Variants in FAM168A observed in about 807,000 individuals in gnomAD.
FAM168A encodes the protein family with sequence similarity 168 member A.
Under a neutral mutation model 28.5 loss-of-function variants are expected in FAM168A, and 3 were observed. The observed-to-expected ratio is 0.11, with a 90% CI of 0.05 to 0.27. FAM168A has a LOEUF of 0.27. FAM168A is among the 10% of genes least tolerant of loss of function. The probability of loss-of-function intolerance (pLI) is 1.00; values close to 1 mark genes in which losing one functional copy is unlikely to be tolerated. For missense variants in FAM168A, 222 were observed against 311.5 expected, an observed-to-expected ratio of 0.71 and a Z score of 2.16; for synonymous variants, 122 against 124.2, an observed-to-expected ratio of 0.98 and a Z score of 0.12.
Position 73,407,493 on chromosome 11 carries a change from C to T in FAM168A, c.*18+20G>A. The T allele has an allele frequency of 6.6e-7, 1 of 1,513,988 alleles. No homozygotes were observed. Among genetic ancestry groups the T allele is most frequent in the Non-Finnish European group, 8.8e-7 (1 of 1,131,390 alleles). The allele number at this position is 1,513,988 out of a possible 1,614,324, so 93.8% of individuals were successfully genotyped here. On this transcript the variant is annotated intron_variant, in intron 7 of 7. Coordinates refer to ENST00000356467, the MANE Select transcript of FAM168A (RefSeq NM_015159.3). ...CTGTATGTATCCCCCTCCCACTTCTCTCACCCTGGCCACACTCACTTGGAT... is the reference window on the plus strand; with the variant it reads ...CTGTATGTATCCCCCTCCCACTTCTTTCACCCTGGCCACACTCACTTGGAT...
chr11:73,595,711 G>A (rs77008865), intron 1 of FAM168A, among the ~76,000 whole-genome samples: 10,313 of 152,208 alleles, frequency 0.068, 1,018 homozygotes, highest in African/African-American at 0.22. Context: ...AGGTGGAGAT[G>A]CTGTTTCTGT....
At chr11:73,429,984 T>C (rs1866955189) in intron 3 of FAM168A, among the ~76,000 whole-genome samples, 1 of 152,136 alleles carries the variant, frequency 6.6e-6, no homozygotes, top group South Asian at 2.1e-4. Flanking sequence ...AGTTGGGTAA[T>C]CAGGATTCAA....
At chr11:73,413,394 G>C (rs1866647641) in intron 4 of FAM168A, among the ~76,000 whole-genome samples, 1 of 152,228 alleles carries the variant, frequency 6.6e-6, no homozygotes, top group Non-Finnish European at 1.5e-5. Context: ...AACTGGAAGT[G>C]CAACTATGAG....
intron 1 of FAM168A, among the ~76,000 whole-genome samples, chr11:73,523,047 ACACAATGAGAG>A (rs1457478318): frequency 2.0e-5 from 3 of 151,966 alleles, no homozygotes; most frequent in Non-Finnish European, 4.4e-5. Context: ...ACACACACAC[ACACAATGAGAG>A]GAGGGGGCTG....
chr11:73,553,190 C>T (rs1214859357), intron 1 of FAM168A, among the ~76,000 whole-genome samples: 1 of 152,074 alleles, frequency 6.6e-6, no homozygotes, highest in Non-Finnish European at 1.5e-5. Flanking sequence ...GAATTAGAAT[C>T]CCTTTGGTCT....
intron 1 of FAM168A, among the ~76,000 whole-genome samples, chr11:73,483,194 G>A (rs554793503): frequency 6.6e-6 from 1 of 152,242 alleles, no homozygotes; most frequent in South Asian, 2.1e-4. Context: ...ATGTAAACAC[G>A]ATAAATTGTG....
rs187699357 is a variant in FAM168A at position 73,586,936 on chromosome 11, T to A, written c.-19+10987A>T. On this transcript the variant is annotated intron_variant, in intron 1 of 7. Transcript: ENST00000356467. ...GTGAAACTGTTCAACTCTAAAGTTT[T>A]TTTATTCTACTAAGGCAAAGAAAAA... is the stretch of plus-strand genomic sequence containing the variant. 4.5e-4 allele frequency among the ~76,000 whole-genome samples: 69 copies of A among 152,286 alleles called. No individual in the cohort carries two copies. In the East Asian group the frequency reaches 7.1e-3, roughly 16 times the overall value.
intron 1 of FAM168A, among the ~76,000 whole-genome samples, chr11:73,564,393 T>C (rs1042637792): frequency 2.0e-5 from 3 of 152,124 alleles, no homozygotes; most frequent in Non-Finnish European, 4.4e-5. Context: ...TCTCACAGAA[T>C]ATACAGTTTG....
chr11:73,547,184 G>A lies in FAM168A; in HGVS notation c.-19+50739C>T, dbSNP rs75935784. Among the ~76,000 whole-genome samples the A allele has an allele frequency of 1.0e-2, 1,470 of 147,386 alleles. 28 individuals are homozygous for A. Among genetic ancestry groups the A allele is most frequent in the African/African-American group, 0.034 (1,370 of 40,350 alleles). On this transcript the variant is annotated intron_variant, in intron 1 of 7. Transcript: ENST00000356467. ...AGGCGGGGGGGAGGAGGAGGAGGAGGAAGAAGAAAGAAGAAGAGAAAGGAG... is the reference window on the plus strand; with the variant it reads ...AGGCGGGGGGGAGGAGGAGGAGGAGAAAGAAGAAAGAAGAAGAGAAAGGAG...
intron 2 of FAM168A, among the ~76,000 whole-genome samples, chr11:73,445,142 C>T (rs1867277462): frequency 6.6e-6 from 1 of 151,946 alleles, no homozygotes; most frequent in African/African-American, 2.4e-5. Flanking sequence ...CCCTGTAATC[C>T]CAGCTACTTG....
At chr11:73,451,409 T>C (rs1867427194) in intron 2 of FAM168A, among the ~76,000 whole-genome samples, 1 of 152,216 alleles carries the variant, frequency 6.6e-6, no homozygotes, top group African/African-American at 2.4e-5. Context: ...ATTCAGTCCT[T>C]TATTCACTCA....
chr11:73,534,361 G>A (rs560550670), intron 1 of FAM168A, among the ~76,000 whole-genome samples: 1 of 152,022 alleles, frequency 6.6e-6, no homozygotes, highest in East Asian at 1.9e-4. Flanking sequence ...TCAGAAACTG[G>A]CAGTATCATG....
chr11:73,415,867 A>G (rs1866686238), intron 4 of FAM168A, among the ~76,000 whole-genome samples: 1 of 152,196 alleles, frequency 6.6e-6, no homozygotes, highest in Non-Finnish European at 1.5e-5. Context: ...AAGACTTTGG[A>G]ATGTTGTGCC....
At chr11:73,586,582 C>A (rs1229694636) in intron 1 of FAM168A, among the ~76,000 whole-genome samples, 1 of 152,152 alleles carries the variant, frequency 6.6e-6, no homozygotes, top group Non-Finnish European at 1.5e-5. Flanking sequence ...AGGTTCCAGG[C>A]TATACAGGGG....
intron 1 of FAM168A, among the ~76,000 whole-genome samples, chr11:73,516,608 CCTT>C (rs1355372355): frequency 1.3e-5 from 2 of 152,192 alleles, no homozygotes; most frequent in Non-Finnish European, 2.9e-5. Flanking sequence ...GTCCTTACCT[CCTT>C]CTCTAGGTTT....
intron 1 of FAM168A, among the ~76,000 whole-genome samples, chr11:73,514,665 T>C (rs569695907): frequency 5.3e-5 from 8 of 152,224 alleles, no homozygotes; most frequent in African/African-American, 1.4e-4. Flanking sequence ...GACCCCTGTC[T>C]ATACAAAAAT....
chr11:73,477,761 A>G (rs1160829624), intron 1 of FAM168A, among the ~76,000 whole-genome samples: 1 of 152,190 alleles, frequency 6.6e-6, no homozygotes, highest in African/African-American at 2.4e-5. Context: ...AAGTCAAAAT[A>G]AACACATTCC....
intron 1 of FAM168A, among the ~76,000 whole-genome samples, chr11:73,484,507 GATATATATAGAT>G (rs1349457555): frequency 6.4e-5 from 5 of 77,774 alleles, no homozygotes; most frequent in African/African-American, 1.1e-4. Flanking sequence ...AGGAGAGAGA[GATATATATAGAT>G]ATATATATCT....
chr11:73,425,832 C>G (rs575264887), intron 3 of FAM168A, among the ~76,000 whole-genome samples: 2 of 152,326 alleles, frequency 1.3e-5, no homozygotes, highest in Non-Finnish European at 1.5e-5. Flanking sequence ...GGGATCCCCC[C>G]GCCTTGCCCT....
Sources: allele counts gnomAD v4.1 joint callset (sites outside exome capture counted in the v4.1 genomes callset), GRCh38; gene constraint gnomAD v4.1.1; transcripts MANE v1.5; gene names NCBI Gene and HGNC (gene_info 2026-07-23, HGNC 2026-07-21).